CHST8: variants seen among roughly 807,000 people sequenced by gnomAD.
CHST8 encodes the protein carbohydrate sulfotransferase 8.
Under a neutral mutation model 15.0 loss-of-function variants are expected in CHST8, and 10 were observed. The observed-to-expected ratio is 0.67, with a 90% CI of 0.41 to 1.13. The LOEUF (loss-of-function observed/expected upper bound fraction) is 1.13, where lower values mean the gene tolerates loss of function less well. CHST8 is among the 50% of genes most tolerant of loss of function. The pLI, the probability that CHST8 is intolerant of heterozygous loss-of-function variation, is 0.00. For synonymous variants in CHST8, 259 were observed against 256.6 expected, an observed-to-expected ratio of 1.01 and a Z score of -0.09; for missense variants, 634 against 608.2, an observed-to-expected ratio of 1.04 and a Z score of -0.45.
At chr19:33,697,692 C>T (rs1043979772) in intron 3 of CHST8, among the ~76,000 whole-genome samples, 1 of 152,214 alleles carries the variant, frequency 6.6e-6, no homozygotes, top group Non-Finnish European at 1.5e-5. Flanking sequence ...TTCACTGTAC[C>T]ACACTGTCTG....
At position 33,622,836 on chromosome 19, in the gene CHST8, C is replaced by A. The variant is rs546294431; in HGVS notation, c.-164+540C>A. Among the ~76,000 whole-genome samples, 3 of 152,038 alleles carry A rather than the reference C, an allele frequency of 2.0e-5. No homozygotes were observed. In the East Asian group the frequency reaches 5.9e-4, roughly 30 times the overall value. On this transcript the variant is annotated intron_variant, in intron 1 of 4. Coordinates refer to ENST00000650847, the MANE Select transcript of CHST8 (RefSeq NM_001127895.2). Reference sequence around the variant, plus strand: ...CCCGACCCGCAACTCTCCAGGGCACCGGCCTGTGAGTGCTGGAGGCGAGTG... The same window carrying A: ...CCCGACCCGCAACTCTCCAGGGCACAGGCCTGTGAGTGCTGGAGGCGAGTG...
chr19:33,767,798 G>T (rs1408671367), intron 3 of CHST8, among the ~76,000 whole-genome samples: 1 of 152,174 alleles, frequency 6.6e-6, no homozygotes, highest in East Asian at 1.9e-4. Context: ...GGCAGGGAAG[G>T]TGCGTGGCAG....
chr19:33,688,760 G>A (rs1184287086), intron 2 of CHST8, among the ~76,000 whole-genome samples: 2 of 152,148 alleles, frequency 1.3e-5, no homozygotes, highest in Non-Finnish European at 2.9e-5. Flanking sequence ...CTGCCCACCG[G>A]GCCGGGTACC....
At chr19:33,720,713 G>C (rs1157695575) in intron 3 of CHST8, among the ~76,000 whole-genome samples, 1 of 152,242 alleles carries the variant, frequency 6.6e-6, no homozygotes, top group African/African-American at 2.4e-5. Context: ...GACACAGGAG[G>C]CAGGGAGCTG....
intron 3 of CHST8, among the ~76,000 whole-genome samples, chr19:33,695,821 C>CTTTCTTTCTTTCTTTCTTTCTTTCTTTT (rs57718433): frequency 1.3e-4 from 10 of 76,238 alleles, no homozygotes; most frequent in South Asian, 4.8e-4. Context: ...TTCTTTCTTT[C>CTTTCTTTCTTTCTTTCTTTCTTTCTTTT]TTTTTTTTTT....
chr19:33,757,522 G>GGA lies in CHST8; in HGVS notation c.131-13891_131-13890insGA, dbSNP rs1974610533. Among the ~76,000 whole-genome samples the GGA allele has an allele frequency of 9.5e-5, 2 of 21,122 alleles. 1 individual carries two copies. Among genetic ancestry groups the GGA allele is most frequent in the Admixed American group, 1.1e-3 (2 of 1,828 alleles). The allele number at this position is 21,122 out of a possible 152,430, so 13.9% of individuals were successfully genotyped here. On this transcript the variant is annotated intron_variant, in intron 3 of 4. Coordinates refer to ENST00000650847, the MANE Select transcript of CHST8 (RefSeq NM_001127895.2). ...AGAAAGAAAGAAAGAAAGAAAGAAA[G>GGA]AGAAAGAAAGAAAGAAAGAAAGAAA... is the stretch of plus-strand genomic sequence containing the variant.
chr19:33,628,115 G>A (rs961001324), intron 1 of CHST8, among the ~76,000 whole-genome samples: 3 of 152,120 alleles, frequency 2.0e-5, no homozygotes, highest in African/African-American at 7.2e-5. Context: ...GGAGGAGTGG[G>A]AACTAAGCAG....
intron 3 of CHST8, among the ~76,000 whole-genome samples, chr19:33,742,415 G>A (rs766072233): frequency 6.6e-6 from 1 of 152,174 alleles, no homozygotes; most frequent in Non-Finnish European, 1.5e-5. Flanking sequence ...CGAAGGGGTA[G>A]CAGGCATGTC....
At chr19:33,731,838 G>A (rs931273897) in intron 3 of CHST8, among the ~76,000 whole-genome samples, 1 of 152,214 alleles carries the variant, frequency 6.6e-6, no homozygotes, top group African/African-American at 2.4e-5. Flanking sequence ...ATCTCAGGCA[G>A]AGAAAAGGTG....
At chr19:33,702,702 T>A (rs957226170) in intron 3 of CHST8, among the ~76,000 whole-genome samples, 3 of 152,202 alleles carry the variant, frequency 2.0e-5, no homozygotes, top group Non-Finnish European at 2.9e-5. Context: ...CCGAGGGGGA[T>A]GAATCTGGCT....
chr19:33,677,285 C>T (rs1240001067), intron 2 of CHST8, among the ~76,000 whole-genome samples: 6 of 152,140 alleles, frequency 3.9e-5, no homozygotes, highest in African/African-American at 1.2e-4. Context: ...ACAGATGCCA[C>T]AGAGCCCCAC....
chr19:33,656,631 G>A (rs1349875657), intron 1 of CHST8, among the ~76,000 whole-genome samples: 3 of 152,010 alleles, frequency 2.0e-5, no homozygotes, highest in African/African-American at 4.8e-5. Context: ...GAAATCCAGG[G>A]CTCAGGCGAT....
At position 33,749,926 on chromosome 19, in the gene CHST8, G is replaced by A. The variant is rs375803293; in HGVS notation, c.131-21487G>A. On this transcript the variant is annotated intron_variant, in intron 3 of 4. Transcript: ENST00000650847. ...TCGTGCAGCAGCCATTGGCAGGTGC[G>A]TTGTGCCTTGCTTCCTGCCTTTCTC... Among the ~76,000 whole-genome samples, 192 of 152,292 alleles carry A rather than the reference G, an allele frequency of 1.3e-3. 8 individuals carry two copies. The South Asian group carries it at 0.039, about 31-fold the overall frequency.
intron 3 of CHST8, among the ~76,000 whole-genome samples, chr19:33,766,678 C>G (rs1004165440): frequency 6.6e-6 from 1 of 152,200 alleles, no homozygotes; most frequent in Non-Finnish European, 1.5e-5. Flanking sequence ...GGGTACTGCA[C>G]GTGCTGAGGA....
chr19:33,688,375 A>G (rs1390137350), intron 2 of CHST8, among the ~76,000 whole-genome samples: 1 of 152,142 alleles, frequency 6.6e-6, no homozygotes, highest in Non-Finnish European at 1.5e-5. Flanking sequence ...CAGTGGCTGG[A>G]GCAGTTAGTG....
intron 1 of CHST8, among the ~76,000 whole-genome samples, chr19:33,632,002 C>T (rs527477801): frequency 2.0e-5 from 3 of 152,286 alleles, no homozygotes; most frequent in South Asian, 2.1e-4. Flanking sequence ...TTACTACTCC[C>T]GTTTTATCTT....
intron 2 of CHST8, among the ~76,000 whole-genome samples, chr19:33,668,939 G>A (rs896736833): frequency 6.6e-6 from 1 of 152,076 alleles, no homozygotes; most frequent in Non-Finnish European, 1.5e-5. Flanking sequence ...TTTGATTTTT[G>A]TATTTATAAC....
rs141062081 is a variant in CHST8 at position 33,698,030 on chromosome 19, C to G, written c.130+8639C>G. 5.1e-3 allele frequency among the ~76,000 whole-genome samples: 772 copies of G among 152,202 alleles called. 8 individuals are homozygous for G. The highest frequency in any genetic ancestry group is 0.018 in the African/African-American group (751 of 41,546). On this transcript the variant is annotated intron_variant, in intron 3 of 4. Transcript: ENST00000650847. The stretch of plus-strand genomic sequence containing the variant: ...CAGTGGCTCATGCCTGTAATTCCAA[C>G]ACTTTGGGAGGCTGAGGCGGTGGAT...
At chr19:33,768,070 G>A (rs1050037437) in intron 3 of CHST8, among the ~76,000 whole-genome samples, 3 of 152,138 alleles carry the variant, frequency 2.0e-5, no homozygotes, top group African/African-American at 7.2e-5. Context: ...GGGTCCTGAC[G>A]TGCAGCCCAC....
Sources: gnomAD v4.1 joint callset for allele counts (sites outside exome capture counted in the v4.1 genomes callset) on GRCh38, gnomAD v4.1.1 for gene constraint, MANE v1.5 for transcripts, NCBI Gene and HGNC (gene_info 2026-07-23, HGNC 2026-07-21) for gene names.